PPFIBP1: variants seen among roughly 807,000 people sequenced by gnomAD.
PPFIBP1 encodes the protein PPFIB scaffold protein 1.
In PPFIBP1, 112 loss-of-function variants were observed where a neutral mutation model predicts 137.8. The observed-to-expected ratio is 0.81, with a 90% CI of 0.70 to 0.95. PPFIBP1 has a LOEUF of 0.95. Among genes scored for constraint, PPFIBP1 ranks in the 40% least tolerant of loss-of-function variants. PPFIBP1 has a pLI of 0.00. For missense variants in PPFIBP1, 1,083 were observed against 1,196.6 expected, an observed-to-expected ratio of 0.91 and a Z score of 1.40; for synonymous variants, 378 against 417.3, an observed-to-expected ratio of 0.91 and a Z score of 1.15.
chr12:27,685,296 C>T (rs1451358703), intron 24 of PPFIBP1, among the ~76,000 whole-genome samples: 4 of 151,718 alleles, frequency 2.6e-5, no homozygotes, highest in African/African-American at 7.3e-5. Flanking sequence ...CACACACACA[C>T]ACACTCTGTG....
chr12:27,559,002 G>A (rs1422480427), intron 1 of PPFIBP1, among the ~76,000 whole-genome samples: 2 of 151,992 alleles, frequency 1.3e-5, no homozygotes, highest in Non-Finnish European at 2.9e-5. Context: ...TGGGACTACA[G>A]ACATGTGCCA....
chr12:27,565,817 C>G (rs574947238), intron 1 of PPFIBP1, among the ~76,000 whole-genome samples: 3 of 152,192 alleles, frequency 2.0e-5, no homozygotes, highest in Non-Finnish European at 4.4e-5. Flanking sequence ...TTGTACTAAC[C>G]CGAATTTTCC....
At chr12:27,639,751 A>C (rs1437238477) in intron 4 of PPFIBP1, among the ~76,000 whole-genome samples, 6 of 152,266 alleles carry the variant, frequency 3.9e-5, no homozygotes, top group African/African-American at 1.4e-4. Context: ...TTACATTAAA[A>C]GTGAGATAAT....
intron 11 of PPFIBP1, among the ~76,000 whole-genome samples, chr12:27,661,461 G>A (rs2059544474): frequency 1.7e-5 from 1 of 58,248 alleles, no homozygotes; most frequent in African/African-American, 6.9e-5. Flanking sequence ...TGCATTCCAA[G>A]GTTTCCACAG....
chr12:27,557,170 A>AT (rs1015195024), intron 1 of PPFIBP1, among the ~76,000 whole-genome samples: 2 of 147,346 alleles, frequency 1.4e-5, no homozygotes, highest in African/African-American at 5.0e-5. Context: ...GAAGAACAAG[A>AT]TTTTCTCTCC....
At chr12:27,537,019 AT>A (rs1168593413) in intron 1 of PPFIBP1, among the ~76,000 whole-genome samples, 1 of 151,992 alleles carries the variant, frequency 6.6e-6, no homozygotes, top group East Asian at 1.9e-4. Flanking sequence ...CCTTTCAATA[AT>A]TTTTTAATCA....
chr12:27,621,715 A>G (rs898097504), intron 2 of PPFIBP1, among the ~76,000 whole-genome samples: 3 of 152,176 alleles, frequency 2.0e-5, no homozygotes, highest in African/African-American at 7.2e-5. Context: ...CTACAAGACA[A>G]ACTGTTGAGT....
chr12:27,592,510 CTG>C, intron 2 of PPFIBP1: 1 of 1,206,022 alleles, frequency 8.3e-7, no homozygotes, highest in Non-Finnish European at 1.2e-6. Context: ...TCTCTTGCCT[CTG>C]TGAAAGAATC....
chr12:27,543,599 G>C, intron 1 of PPFIBP1, among the ~76,000 whole-genome samples: 1 of 152,122 alleles, frequency 6.6e-6, no homozygotes, highest in East Asian at 1.9e-4. Flanking sequence ...ATAAATTAGA[G>C]TTTTAATATA....
intron 13 of PPFIBP1, among the ~76,000 whole-genome samples, chr12:27,667,704 G>A (rs1350410609): frequency 6.6e-6 from 1 of 152,182 alleles, no homozygotes; most frequent in African/African-American, 2.4e-5. Context: ...TGAGCATCTC[G>A]TCTCTGCTCT....
At chr12:27,580,684 A>T (rs1206664668) in intron 2 of PPFIBP1, among the ~76,000 whole-genome samples, 3 of 152,236 alleles carry the variant, frequency 2.0e-5, no homozygotes, top group Admixed American at 2.0e-4. Flanking sequence ...CTAACAAAAA[A>T]GATTTTTCTA....
At chr12:27,680,191 A>C (rs2060797279) in intron 21 of PPFIBP1, 130 bp downstream of exon 21, 2 of 1,285,736 alleles carry the variant, frequency 1.6e-6, no homozygotes, top group Non-Finnish European at 2.1e-6. Context: ...GAAAGGGGCC[A>C]TCATCTTTAG....
Position 27,692,828 on chromosome 12 carries a change from T to C in PPFIBP1, c.2964T>C (p.Asp988=), listed in dbSNP as rs370440817. ...TAAAAGAAGATGACATGTTTAAAGA[T>C]TTTGCTGCCCGTTCCCCCAGTGCCA... ...HMLKEDDMFK[D]FAARSPSASI... Residue 988 remains aspartate, a synonymous_variant, in exon 30 of 30, where the codon GAT becomes GAC. Transcript: ENST00000228425. The C allele has an allele frequency of 2.5e-6, 4 of 1,613,978 alleles. No homozygotes were observed. Among genetic ancestry groups the C allele is most frequent in the Non-Finnish European group, 3.4e-6 (4 of 1,180,010 alleles).
At position 27,595,886 on chromosome 12, in the gene PPFIBP1, AATATAT is replaced by A. The variant is rs201970397; in HGVS notation, c.-36+17678_-36+17683del. 4.6e-3 allele frequency among the ~76,000 whole-genome samples: 466 copies of A among 102,320 alleles called. 2 individuals are homozygous for A. Among genetic ancestry groups the A allele is most frequent in the African/African-American group, 0.012 (361 of 29,480 alleles). The allele number at this position is 102,320 out of a possible 152,430, so 67.1% of individuals were successfully genotyped here. On this transcript the variant is annotated intron_variant, in intron 2 of 29. Transcript: ENST00000228425. ...ACAACAACAACAACAACAACAACAA[AATATAT>A]ATATATATATATATATATATATATA...
intron 12 of PPFIBP1, among the ~76,000 whole-genome samples, chr12:27,664,902 C>G (rs1401343319): frequency 6.6e-6 from 1 of 152,128 alleles, no homozygotes; most frequent in Non-Finnish European, 1.5e-5. Context: ...TAAAAGTCAG[C>G]AGTGGTCAGG....
intron 2 of PPFIBP1, among the ~76,000 whole-genome samples, chr12:27,621,141 G>C: frequency 6.6e-6 from 1 of 152,150 alleles, no homozygotes; most frequent in Non-Finnish European, 1.5e-5. Flanking sequence ...AACATTTTCT[G>C]CAAAGAGCCA....
chr12:27,544,826 C>T (rs575757184), intron 1 of PPFIBP1, among the ~76,000 whole-genome samples: 34 of 152,256 alleles, frequency 2.2e-4, no homozygotes, highest in African/African-American at 7.5e-4. Flanking sequence ...GACAGTGTGG[C>T]GATTCCTCAA....
intron 2 of PPFIBP1, among the ~76,000 whole-genome samples, chr12:27,578,788 G>T (rs910054918): frequency 1.6e-4 from 24 of 152,320 alleles, no homozygotes; most frequent in African/African-American, 5.3e-4. Flanking sequence ...TCTACAAATA[G>T]TGTTTCTGAA....
intron 2 of PPFIBP1, among the ~76,000 whole-genome samples, chr12:27,624,086 A>G (rs1401643362): frequency 6.6e-6 from 1 of 152,024 alleles, no homozygotes; most frequent in East Asian, 1.9e-4. Flanking sequence ...AAGAGGGTCC[A>G]AGCAGTAGGG....
Sources: allele counts gnomAD v4.1 joint callset (sites outside exome capture counted in the v4.1 genomes callset), GRCh38; gene constraint gnomAD v4.1.1; transcripts MANE v1.5; gene names NCBI Gene and HGNC (gene_info 2026-07-23, HGNC 2026-07-21).